The following CELF4 variants were observed in gnomAD, a reference collection of about 807,000 sequenced individuals.
The protein encoded by CELF4 is CUG-BP- and ETR-3-like factor 4.
Under a neutral mutation model 59.9 loss-of-function variants are expected in CELF4, and 18 were observed. That is an observed-to-expected ratio of 0.30 (90% CI 0.21 to 0.45). The LOEUF (loss-of-function observed/expected upper bound fraction) is 0.45. Ranked by LOEUF, CELF4 falls within the 20% of genes least tolerant of loss-of-function variation. The pLI is 1.00. For missense variants in CELF4, 456 were observed against 689.0 expected, an observed-to-expected ratio of 0.66 and a Z score of 3.79; for synonymous variants, 261 against 267.1, an observed-to-expected ratio of 0.98 and a Z score of 0.22.
intron 2 of CELF4, among the ~76,000 whole-genome samples, chr18:37,396,516 G>T (rs1467680267): frequency 6.6e-6 from 1 of 152,182 alleles, no homozygotes; most frequent in East Asian, 1.9e-4. Context: ...AGGGATAAAA[G>T]CTGATGAGGT....
chr18:37,427,293 A>G (rs1181599081), intron 2 of CELF4, among the ~76,000 whole-genome samples: 1 of 152,208 alleles, frequency 6.6e-6, no homozygotes. Context: ...TAGCCCAGGC[A>G]GGAAATAGCA....
At chr18:37,441,852 C>T (rs1435414808) in intron 2 of CELF4, among the ~76,000 whole-genome samples, 1 of 152,092 alleles carries the variant, frequency 6.6e-6, no homozygotes, top group African/African-American at 2.4e-5. Flanking sequence ...CAACTCACAC[C>T]CATTCCCCCT....
chr18:37,441,983 G>A (rs920848711), intron 2 of CELF4, among the ~76,000 whole-genome samples: 2 of 65,700 alleles, frequency 3.0e-5, no homozygotes, highest in Non-Finnish European at 6.6e-5. Flanking sequence ...AAAGAACCTA[G>A]ATGACACAGT....
intron 2 of CELF4, among the ~76,000 whole-genome samples, chr18:37,442,997 C>T (rs2099737211): frequency 6.6e-6 from 1 of 152,170 alleles, no homozygotes; most frequent in African/African-American, 2.4e-5. Flanking sequence ...CAAAATTCTA[C>T]CCATCCCTAA....
chr18:37,545,927 G>A (rs527530982), intron 1 of CELF4, among the ~76,000 whole-genome samples: 17 of 152,284 alleles, frequency 1.1e-4, no homozygotes, highest in African/African-American at 4.1e-4. Flanking sequence ...AAAGTGGCGA[G>A]GTCTCTGGAG....
intron 2 of CELF4, among the ~76,000 whole-genome samples, chr18:37,406,026 T>C (rs941730728): frequency 6.6e-6 from 1 of 152,214 alleles, no homozygotes; most frequent in African/African-American, 2.4e-5. Context: ...CTCTCTTTTT[T>C]AATAAAAAAT....
At chr18:37,370,191 T>C (rs2098841924) in intron 2 of CELF4, among the ~76,000 whole-genome samples, 1 of 152,164 alleles carries the variant, frequency 6.6e-6, no homozygotes, top group South Asian at 2.1e-4. Context: ...TCTCTGGCCT[T>C]AGTGTCCTTT....
chr18:37,261,352 C>A (rs1185266254), intron 10 of CELF4, among the ~76,000 whole-genome samples: 1 of 152,052 alleles, frequency 6.6e-6, no homozygotes, highest in Non-Finnish European at 1.5e-5. Flanking sequence ...TCAAGTTCTG[C>A]AAGCTGCTTT....
chr18:37,283,399 T>C (rs572471299), intron 3 of CELF4, among the ~76,000 whole-genome samples: 3 of 152,026 alleles, frequency 2.0e-5, no homozygotes, highest in Non-Finnish European at 4.4e-5. Flanking sequence ...AAGCCAAGTC[T>C]GGTAATATCA....
intron 2 of CELF4, among the ~76,000 whole-genome samples, chr18:37,446,097 GAGA>G (rs1338126060): frequency 1.3e-5 from 2 of 152,210 alleles, no homozygotes; most frequent in Non-Finnish European, 2.9e-5. Context: ...TGCTGCTCCA[GAGA>G]AGGTCACAGA....
chr18:37,440,221 T>TG (rs2099708185), intron 2 of CELF4, among the ~76,000 whole-genome samples: 1 of 152,068 alleles, frequency 6.6e-6, no homozygotes, highest in Admixed American at 6.5e-5. Context: ...CAGCCTTGGC[T>TG]GGGGGGCCTC....
intron 2 of CELF4, among the ~76,000 whole-genome samples, chr18:37,390,756 C>T (rs1246156047): frequency 5.3e-5 from 7 of 132,148 alleles, no homozygotes; most frequent in Non-Finnish European, 1.1e-4. Flanking sequence ...GGTGGACTAC[C>T]TGCTGAAGAG....
intron 2 of CELF4, among the ~76,000 whole-genome samples, chr18:37,401,317 G>A (rs1290454359): frequency 6.6e-6 from 1 of 152,214 alleles, no homozygotes; most frequent in East Asian, 1.9e-4. Flanking sequence ...TCATGTGGTT[G>A]GCTGTGTCTG....
At chr18:37,278,246 T>G (rs544624519) in intron 3 of CELF4, among the ~76,000 whole-genome samples, 88 of 152,278 alleles carry the variant, frequency 5.8e-4, no homozygotes, top group Admixed American at 1.8e-3. Context: ...CCAGGGAAAC[T>G]ATAGCCACCC....
chr18:37,262,896 G>A (rs552345118), intron 10 of CELF4, among the ~76,000 whole-genome samples: 1 of 152,306 alleles, frequency 6.6e-6, no homozygotes, highest in Non-Finnish European at 1.5e-5. Context: ...CTGCAGCAGC[G>A]TGAGGCAGGG....
chr18:37,331,343 G>A (rs2097535744), intron 2 of CELF4, among the ~76,000 whole-genome samples: 2 of 152,160 alleles, frequency 1.3e-5, no homozygotes, highest in Admixed American at 1.3e-4. Flanking sequence ...CCTCCAGCAA[G>A]CCTTCTGTGA....
chr18:37,274,183 C>A, intron 6 of CELF4, 128 bp downstream of exon 6: 1 of 1,505,916 alleles, frequency 6.6e-7, no homozygotes, highest in Non-Finnish European at 8.8e-7. Flanking sequence ...TGGGTTCATT[C>A]CCGGCCCCTC....
At chr18:37,560,850 C>T (rs529150707) in intron 1 of CELF4, among the ~76,000 whole-genome samples, 31 of 152,164 alleles carry the variant, frequency 2.0e-4, no homozygotes, top group African/African-American at 4.6e-4. Context: ...TAAAGTCAAG[C>T]GGTGGAAATT....
chr18:37,332,577 C>T (rs868644353), intron 2 of CELF4, among the ~76,000 whole-genome samples: 5 of 152,170 alleles, frequency 3.3e-5, no homozygotes, highest in African/African-American at 1.2e-4. Context: ...ACCTAAGGGG[C>T]AGGGCTGGGT....
Sources: allele counts gnomAD v4.1 joint callset (sites outside exome capture counted in the v4.1 genomes callset), GRCh38; gene constraint gnomAD v4.1.1; transcripts MANE v1.5; gene names NCBI Gene and HGNC (gene_info 2026-07-23, HGNC 2026-07-21).